Variants in RBPMS observed in about 807,000 individuals in gnomAD.
RBPMS encodes RNA-binding protein with multiple splicing.
RBPMS carries 7 observed loss-of-function variants against 26.8 expected under a neutral mutation model. The ratio of observed to expected loss-of-function variants is 0.26; its 90% CI spans 0.15 to 0.49. The LOEUF is 0.49. RBPMS is among the 20% of genes least tolerant of loss of function. The probability of loss-of-function intolerance (pLI) is 0.98; values close to 1 mark genes in which losing one functional copy is unlikely to be tolerated. For missense variants in RBPMS, 186 were observed against 250.0 expected (o/e 0.74, Z 1.73); for synonymous variants, 96 against 93.3 (o/e 1.03, Z -0.17).
chr8:30,564,980 C>T (rs1375960366), intron 7 of RBPMS: 1 of 152,184 alleles, frequency 6.6e-6, no homozygotes, highest in Non-Finnish European at 1.5e-5. Flanking sequence ...CCAGAGGCTT[C>T]TTAATCATCC....
intron 7 of RBPMS, among the ~76,000 whole-genome samples, chr8:30,560,981 T>C (rs1467760646): frequency 6.6e-6 from 1 of 152,220 alleles, no homozygotes; most frequent in Non-Finnish European, 1.5e-5. Context: ...TTGTACTACT[T>C]GTTTGTCCCT....
At chr8:30,569,074 C>T (rs888881498) in intron 8 of RBPMS, among the ~76,000 whole-genome samples, 5 of 152,196 alleles carry the variant, frequency 3.3e-5, no homozygotes, top group African/African-American at 1.2e-4. Flanking sequence ...CTGGAGCCAC[C>T]ATATCCCCCT....
intron 1 of RBPMS, among the ~76,000 whole-genome samples, chr8:30,438,890 C>T (rs1563318790): frequency 2.6e-5 from 4 of 152,152 alleles, no homozygotes; most frequent in Non-Finnish European, 5.9e-5. Context: ...TCTCATGCCT[C>T]AGCCTCCTTA....
chr8:30,419,449 A>ATTGTGTGT (rs1810480700), intron 1 of RBPMS, among the ~76,000 whole-genome samples: 1 of 41,662 alleles, frequency 2.4e-5, no homozygotes, highest in Non-Finnish European at 4.6e-5. Flanking sequence ...GCATCTCAAA[A>ATTGTGTGT]ATGTGTGTGT....
chr8:30,537,741 T>C, intron 5 of RBPMS: 1 of 431,656 alleles, frequency 2.3e-6, no homozygotes, highest in Non-Finnish European at 4.7e-6. Flanking sequence ...GGGCTCCTGC[T>C]AATGTCTCCC....
chr8:30,451,584 G>C (rs777306371), intron 1 of RBPMS, among the ~76,000 whole-genome samples: 18 of 152,128 alleles, frequency 1.2e-4, no homozygotes, highest in Non-Finnish European at 1.5e-4. Context: ...GTTATTTCAG[G>C]CTCTCTAGAA....
intron 7 of RBPMS, chr8:30,561,969 G>A (rs1827526669): frequency 2.0e-6 from 2 of 985,302 alleles, no homozygotes; most frequent in Non-Finnish European, 2.4e-6. Flanking sequence ...CTACTAGAAG[G>A]ACGAACAATT....
chr8:30,516,438 TG>T (rs1164663597), intron 5 of RBPMS, among the ~76,000 whole-genome samples: 3 of 152,134 alleles, frequency 2.0e-5, no homozygotes, highest in Non-Finnish European at 4.4e-5. Flanking sequence ...TCCTTTAAAA[TG>T]GGTCTTTTAT....
chr8:30,560,911 G>A (rs1331769637), intron 7 of RBPMS, among the ~76,000 whole-genome samples: 1 of 152,164 alleles, frequency 6.6e-6, no homozygotes, highest in Non-Finnish European at 1.5e-5. Context: ...GTATTCATGT[G>A]TGATACTGCT....
At chr8:30,489,832 A>T (rs1311983484) in intron 4 of RBPMS, among the ~76,000 whole-genome samples, 1 of 149,588 alleles carries the variant, frequency 6.7e-6, no homozygotes, top group Non-Finnish European at 1.5e-5. Flanking sequence ...TGTTTTTGAG[A>T]CGGAGTCTCG....
intron 5 of RBPMS, among the ~76,000 whole-genome samples, chr8:30,540,314 T>C (rs1825249154): frequency 6.6e-6 from 1 of 152,104 alleles, no homozygotes; most frequent in Admixed American, 6.5e-5. Context: ...GAATCAGGGC[T>C]GGAGAGGAGG....
intron 1 of RBPMS, among the ~76,000 whole-genome samples, chr8:30,443,298 T>G (rs769010393): frequency 7.9e-5 from 12 of 152,214 alleles, no homozygotes; most frequent in Non-Finnish European, 1.5e-4. Flanking sequence ...TGCACTAATG[T>G]TTTTGGTAAT....
intron 8 of RBPMS, among the ~76,000 whole-genome samples, chr8:30,568,326 A>G (rs1156852470): frequency 6.6e-6 from 1 of 152,180 alleles, no homozygotes; most frequent in Non-Finnish European, 1.5e-5. Context: ...CAGATGGATC[A>G]AGGGAGGCTT....
chr8:30,563,613 G>A (rs946782411), intron 7 of RBPMS, among the ~76,000 whole-genome samples: 1 of 152,310 alleles, frequency 6.6e-6, no homozygotes, highest in Admixed American at 6.5e-5. Flanking sequence ...ATTGGAGAAG[G>A]AAATGCAAGA....
intron 5 of RBPMS, among the ~76,000 whole-genome samples, chr8:30,512,599 A>G (rs1821834553): frequency 6.6e-6 from 1 of 151,944 alleles, no homozygotes; most frequent in Non-Finnish European, 1.5e-5. Context: ...AGCCCGAGTG[A>G]TCCTCCTGCC....
At chr8:30,420,630 A>G (rs1810660033) in intron 1 of RBPMS, among the ~76,000 whole-genome samples, 1 of 152,220 alleles carries the variant, frequency 6.6e-6, no homozygotes, top group African/African-American at 2.4e-5. Flanking sequence ...ATGTGATTCT[A>G]ACTTTCAGCA....
intron 8 of RBPMS, among the ~76,000 whole-genome samples, chr8:30,567,685 CAGG>C (rs1398597286): frequency 1.3e-5 from 2 of 152,210 alleles, no homozygotes; most frequent in Non-Finnish European, 2.9e-5. Context: ...ATGCAAGGAG[CAGG>C]AGTTTTCCTG....
At chr8:30,487,137 G>A (rs1261955210) in intron 4 of RBPMS, among the ~76,000 whole-genome samples, 1 of 152,216 alleles carries the variant, frequency 6.6e-6, no homozygotes, top group Non-Finnish European at 1.5e-5. Flanking sequence ...TTAGAACCAA[G>A]AAGTCTTAAT....
intron 1 of RBPMS, among the ~76,000 whole-genome samples, chr8:30,419,957 G>T (rs1810560342): frequency 6.6e-6 from 1 of 152,168 alleles, no homozygotes; most frequent in Non-Finnish European, 1.5e-5. Flanking sequence ...TGGTGCAGTG[G>T]CTCATGTGTG....
Sources: gnomAD v4.1 joint callset for allele counts (sites outside exome capture counted in the v4.1 genomes callset) on GRCh38, gnomAD v4.1.1 for gene constraint, MANE v1.5 for transcripts, NCBI Gene and HGNC (gene_info 2026-07-23, HGNC 2026-07-21) for gene names.